ULK4: variants seen among roughly 807,000 people sequenced by gnomAD.
ULK4 encodes inactive serine/threonine-protein kinase ULK4.
A neutral mutation model predicts 160.6 loss-of-function variants in ULK4; 133 were observed. That is an observed-to-expected ratio of 0.83 (90% CI 0.72 to 0.96). The LOEUF (loss-of-function observed/expected upper bound fraction) is 0.96, where lower values mean the gene tolerates loss of function less well. Ranked by LOEUF, ULK4 falls within the 40% of genes least tolerant of loss-of-function variation. ULK4 has a pLI of 0.00. For synonymous variants in ULK4, 534 were observed against 539.8 expected (o/e 0.99, Z 0.15); for missense variants, 1,580 against 1,499.5 (o/e 1.05, Z -0.89).
chr3:41,598,888 G>A (rs1351824819), intron 31 of ULK4, among the ~76,000 whole-genome samples: 3 of 152,340 alleles, frequency 2.0e-5, no homozygotes, highest in South Asian at 2.1e-4. Context: ...AGACGTCAGA[G>A]GTCTGAGACA....
chr3:41,424,321 G>A lies in ULK4; in HGVS notation c.3493-26057C>T, dbSNP rs577917145. ...GGGCAGCCATGGTCTTTTAGGATGA[G>A]CAGACTTAGTCTTTCCTCCTGCTGG... On this transcript the variant is annotated intron_variant, in intron 34 of 36. Transcript: ENST00000301831. Among the ~76,000 whole-genome samples, 85 of 152,320 alleles carry A rather than the reference G, an allele frequency of 5.6e-4. No homozygotes were observed. In the South Asian group the frequency reaches 6.8e-3, roughly 12 times the overall value.
At chr3:41,872,124 G>C (rs73081364) in intron 17 of ULK4, among the ~76,000 whole-genome samples, 27,226 of 151,954 alleles carry the variant, frequency 0.18, 2,488 homozygotes, top group Middle Eastern at 0.32. Flanking sequence ...CCTTAGTCCC[G>C]GTACAGGACG....
At chr3:41,842,178 TA>T (rs1178331973) in intron 17 of ULK4, among the ~76,000 whole-genome samples, 28 of 113,386 alleles carry the variant, frequency 2.5e-4, no homozygotes, top group East Asian at 4.5e-4. Context: ...AATGAACATG[TA>T]AAAAAAAAAA....
chr3:41,808,929 G>T (rs1197908810), intron 19 of ULK4, among the ~76,000 whole-genome samples: 1 of 152,164 alleles, frequency 6.6e-6, no homozygotes, highest in Non-Finnish European at 1.5e-5. Context: ...AGCATTTTGG[G>T]AGGCTGAGGC....
chr3:41,893,842 A>G (rs1471815996), intron 16 of ULK4, among the ~76,000 whole-genome samples: 1 of 152,200 alleles, frequency 6.6e-6, no homozygotes, highest in Admixed American at 6.5e-5. Flanking sequence ...AAGAATAAAT[A>G]TATCTACGTC....
chr3:41,780,116 A>C (rs1213000783), intron 21 of ULK4, among the ~76,000 whole-genome samples: 1 of 151,880 alleles, frequency 6.6e-6, no homozygotes, highest in Admixed American at 6.6e-5. Flanking sequence ...GCTCGATAGC[A>C]GCCTGGGCAG....
At chr3:41,520,441 G>A (rs1418984913) in intron 32 of ULK4, among the ~76,000 whole-genome samples, 1 of 152,112 alleles carries the variant, frequency 6.6e-6, no homozygotes, top group Non-Finnish European at 1.5e-5. Flanking sequence ...TATACTACAT[G>A]TGGCTTATCT....
chr3:41,881,632 T>C (rs1350224989), intron 17 of ULK4, among the ~76,000 whole-genome samples: 2 of 152,186 alleles, frequency 1.3e-5, no homozygotes, highest in African/African-American at 4.8e-5. Context: ...TCCAACCAAA[T>C]GTAGTTCACA....
At chr3:41,724,188 T>A (rs1358645751) in intron 22 of ULK4, among the ~76,000 whole-genome samples, 1 of 152,224 alleles carries the variant, frequency 6.6e-6, no homozygotes, top group Non-Finnish European at 1.5e-5. Flanking sequence ...GGTATGTGAA[T>A]ATACCATAAT....
intron 35 of ULK4, among the ~76,000 whole-genome samples, chr3:41,353,920 T>C (rs1483042836): frequency 6.6e-6 from 1 of 152,150 alleles, no homozygotes; most frequent in Non-Finnish European, 1.5e-5. Flanking sequence ...TTCTTGTGTC[T>C]TCTCATAGAC....
intron 30 of ULK4, among the ~76,000 whole-genome samples, chr3:41,640,224 T>C (rs143522650): frequency 4.5e-4 from 68 of 152,304 alleles, no homozygotes; most frequent in African/African-American, 1.5e-3. Flanking sequence ...AAGCTCACTA[T>C]GCACTCATAC....
intron 11 of ULK4, 80 bp from the exon 12 acceptor site, chr3:41,908,021 T>C: frequency 1.9e-6 from 2 of 1,038,578 alleles, no homozygotes; most frequent in South Asian, 4.0e-5. Flanking sequence ...AGAAAACAAG[T>C]CTCATGAAAA....
At chr3:41,819,273 T>G (rs1039581220) in intron 19 of ULK4, 150 bp downstream of exon 19, 12 of 610,414 alleles carry the variant, frequency 2.0e-5, no homozygotes, top group Non-Finnish European at 3.2e-5. Flanking sequence ...TGTAGGTCAC[T>G]TGCTCATGGT....
intron 27 of ULK4, among the ~76,000 whole-genome samples, chr3:41,697,097 C>A (rs530657821): frequency 6.6e-6 from 1 of 152,184 alleles, no homozygotes; most frequent in Admixed American, 6.5e-5. Flanking sequence ...TGTTTTAAAC[C>A]AATAAGCTTG....
intron 35 of ULK4, among the ~76,000 whole-genome samples, chr3:41,339,976 G>A (rs985129600): frequency 1.3e-5 from 2 of 152,142 alleles, no homozygotes; most frequent in Non-Finnish European, 2.9e-5. Flanking sequence ...ATGAAAATCA[G>A]CATAATATTA....
At chr3:41,647,471 T>C (rs951722466) in intron 30 of ULK4, among the ~76,000 whole-genome samples, 9 of 152,354 alleles carry the variant, frequency 5.9e-5, no homozygotes, top group East Asian at 3.9e-4. Flanking sequence ...CAGACCCTGT[T>C]TGCCTGGGTA....
chr3:41,914,320 C>CA (rs68189464), intron 8 of ULK4, among the ~76,000 whole-genome samples: 140,405 of 152,270 alleles, frequency 0.92, 65,731 homozygotes, highest in East Asian at 1. Flanking sequence ...TTCCTTTACA[C>CA]AAAGGTTCTT....
At chr3:41,868,482 GGTTTTT>G (rs201559967) in intron 17 of ULK4, among the ~76,000 whole-genome samples, 34 of 151,898 alleles carry the variant, frequency 2.2e-4, no homozygotes, top group South Asian at 4.2e-4. Flanking sequence ...TATATAGCTA[GGTTTTT>G]GTTTTTGTTT....
intron 12 of ULK4, among the ~76,000 whole-genome samples, chr3:41,903,991 TAAAA>T (rs35070842): frequency 7.4e-6 from 1 of 135,550 alleles, no homozygotes; most frequent in Non-Finnish European, 1.6e-5. Context: ...AAAAGGCTCT[TAAAA>T]AAAAAAAAAA....
Sources: allele counts gnomAD v4.1 joint callset (sites outside exome capture counted in the v4.1 genomes callset), GRCh38; gene constraint gnomAD v4.1.1; transcripts MANE v1.5; gene names NCBI Gene and HGNC (gene_info 2026-07-23, HGNC 2026-07-21).